The following ESR2 variants were observed in gnomAD, a reference collection of about 807,000 sequenced individuals.
ESR2 encodes the protein estrogen receptor beta.
Under a neutral mutation model 49.6 loss-of-function variants are expected in ESR2, and 36 were observed. The observed-to-expected ratio is 0.73, with a 90% CI of 0.56 to 0.96. The LOEUF is 0.96. ESR2 is among the 40% of genes least tolerant of loss of function. The probability of loss-of-function intolerance (pLI) is 0.00; values close to 1 mark genes in which losing one functional copy is unlikely to be tolerated. For synonymous variants in ESR2, 320 were observed against 266.1 expected (o/e 1.20, Z -1.97); for missense variants, 714 against 693.0 (o/e 1.03, Z -0.34).
intron 4 of ESR2, among the ~76,000 whole-genome samples, chr14:64,261,167 G>GA (rs1291375260): frequency 6.7e-6 from 1 of 149,798 alleles, no homozygotes; most frequent in East Asian, 1.9e-4. Flanking sequence ...GAAAAAATCT[G>GA]AAAAATATAG....
chr14:64,325,896 AACTGTTTAT>A, intron 1 of ESR2, among the ~76,000 whole-genome samples: 1 of 152,200 alleles, frequency 6.6e-6, no homozygotes, highest in East Asian at 1.9e-4. Context: ...TGTGTTAGTC[AACTGTTTAT>A]ATTACTGGTA....
intron 1 of ESR2, 63 bp from the exon 2 acceptor site, chr14:64,283,138 AAT>A: frequency 1.6e-6 from 1 of 633,616 alleles, no homozygotes; most frequent in Non-Finnish European, 2.6e-6. Flanking sequence ...TGAAAATTTA[AAT>A]ATTTTCATTA....
At chr14:64,328,866 A>T (rs113333623) in intron 1 of ESR2, among the ~76,000 whole-genome samples, 1,770 of 152,308 alleles carry the variant, frequency 0.012, 38 homozygotes, top group African/African-American at 0.04. Context: ...TCTGACTCTA[A>T]AGACTCTTTG....
intron 1 of ESR2, among the ~76,000 whole-genome samples, chr14:64,326,744 C>T (rs530345196): frequency 1.6e-4 from 25 of 152,286 alleles, no homozygotes; most frequent in South Asian, 6.2e-4. Context: ...TATGAAACTC[C>T]GCTATCTTAT....
At chr14:64,310,229 CGCCACT>C (rs1300079710) in intron 1 of ESR2, among the ~76,000 whole-genome samples, 4 of 151,108 alleles carry the variant, frequency 2.6e-5, no homozygotes, top group Admixed American at 2.6e-4. Flanking sequence ...GCCAAGATCG[CGCCACT>C]GCATTCCAGC....
At chr14:64,327,950 T>A (rs1420577168) in intron 1 of ESR2, among the ~76,000 whole-genome samples, 2 of 150,058 alleles carry the variant, frequency 1.3e-5, no homozygotes, top group African/African-American at 4.9e-5. Flanking sequence ...CTCAAGCCTA[T>A]AATCCCAGCA....
chr14:64,242,388 G>A lies in ESR2; in HGVS notation c.1225+7158C>T, dbSNP rs370029201. Among the ~76,000 whole-genome samples, 821 of 148,080 alleles carry A rather than the reference G, an allele frequency of 5.5e-3. 3 individuals are homozygous for A. The highest frequency in any genetic ancestry group is 7.8e-3 in the Non-Finnish European group (529 of 67,460). On this transcript the variant is annotated intron_variant, in intron 7 of 8. Transcript: ENST00000341099. ...AGCACCAATGCACTCCAGCCTGGGCGGAGAGTGAGACTGTCTCAAAAAAAA... is the reference window on the plus strand; with the variant it reads ...AGCACCAATGCACTCCAGCCTGGGCAGAGAGTGAGACTGTCTCAAAAAAAA...
At chr14:64,324,991 A>G (rs1350139965) in intron 1 of ESR2, among the ~76,000 whole-genome samples, 2 of 152,228 alleles carry the variant, frequency 1.3e-5, no homozygotes, top group African/African-American at 4.8e-5. Flanking sequence ...CATATTCATT[A>G]CATTCCACTG....
chr14:64,307,769 C>T (rs1282242439), intron 1 of ESR2, among the ~76,000 whole-genome samples: 2 of 151,894 alleles, frequency 1.3e-5, no homozygotes, highest in Admixed American at 6.6e-5. Context: ...CTTCTGACCT[C>T]GTGATCCACC....
Position 64,282,944 on chromosome 14 carries a change from G to C in ESR2, c.42C>G (p.Ser14=). 1 of 1,613,972 alleles carries C rather than the reference G, an allele frequency of 6.2e-7. No homozygotes were observed. The highest frequency in any genetic ancestry group is 1.1e-5 in the South Asian group (1 of 91,052). Residue 14 remains serine (S), a synonymous_variant, in exon 2 of 9, where the codon TCC becomes TCG. Coordinates refer to ENST00000341099, the MANE Select transcript of ESR2 (RefSeq NM_001437.3). The part of the protein sequence containing the change: ...KNSPSSLNSP[S]SYNCSQSILP... ...AGATGGATTGACTGCAGTTGTAGGA[G>C]GAAGGAGAATTAAGGCTAGATGGTG...
chr14:64,284,067 T>C (rs771852982), intron 1 of ESR2, among the ~76,000 whole-genome samples: 5 of 151,398 alleles, frequency 3.3e-5, no homozygotes, highest in Non-Finnish European at 7.4e-5. Context: ...GCTGAGACTA[T>C]GGGTGCGCAC....
chr14:64,228,281 A>T (rs2098724053), downstream of ESR2, among the ~76,000 whole-genome samples: 1 of 152,242 alleles, frequency 6.6e-6, no homozygotes, highest in Non-Finnish European at 1.5e-5. Flanking sequence ...TAGCCTAATT[A>T]CTGTAAGTTC....
upstream of ESR2, among the ~76,000 whole-genome samples, chr14:64,295,425 G>A (rs1453961847): frequency 1.3e-5 from 2 of 152,184 alleles, no homozygotes; most frequent in East Asian, 1.9e-4. Flanking sequence ...CACAGGTAAT[G>A]AAGACAGGCT....
chr14:64,289,508 A>G (rs1008699508), intron 1 of ESR2, among the ~76,000 whole-genome samples: 51 of 151,896 alleles, frequency 3.4e-4, no homozygotes, highest in Admixed American at 3.3e-3. Context: ...GCAAAACTTC[A>G]TTTCAAAAAA....
chr14:64,269,138 C>G (rs750018302), intron 3 of ESR2, among the ~76,000 whole-genome samples: 1 of 152,184 alleles, frequency 6.6e-6, no homozygotes, highest in Non-Finnish European at 1.5e-5. Context: ...ATGTTATTCT[C>G]TGCATATTCT....
At chr14:64,275,123 G>C (rs2140790041) in intron 3 of ESR2, among the ~76,000 whole-genome samples, 1 of 152,342 alleles carries the variant, frequency 6.6e-6, no homozygotes, top group East Asian at 1.9e-4. Context: ...TTGGTCTTTA[G>C]TGCAGATTAA....
At chr14:64,242,538 C>T (rs2075755990) in intron 7 of ESR2, among the ~76,000 whole-genome samples, 1 of 150,646 alleles carries the variant, frequency 6.6e-6, no homozygotes, top group Non-Finnish European at 1.5e-5. Flanking sequence ...TTAAAGAAAC[C>T]TTGTATTCCC....
At chr14:64,254,913 TTA>T (rs1231292503) in intron 6 of ESR2, among the ~76,000 whole-genome samples, 4 of 152,174 alleles carry the variant, frequency 2.6e-5, no homozygotes, top group Non-Finnish European at 5.9e-5. Flanking sequence ...TATACTAGAT[TTA>T]TGTTTTACAA....
At chr14:64,322,651 A>T (rs896368991) in intron 1 of ESR2, among the ~76,000 whole-genome samples, 1 of 152,204 alleles carries the variant, frequency 6.6e-6, no homozygotes, top group African/African-American at 2.4e-5. Context: ...ACAGCATTCA[A>T]TGCTAGCTGG....
Sources: allele counts gnomAD v4.1 joint callset (sites outside exome capture counted in the v4.1 genomes callset), GRCh38; gene constraint gnomAD v4.1.1; transcripts MANE v1.5; gene names NCBI Gene and HGNC (gene_info 2026-07-23, HGNC 2026-07-21).